Variants in RSPO2 observed in about 807,000 individuals in gnomAD.
The protein encoded by RSPO2 is R-spondin 2.
A neutral mutation model predicts 30.9 loss-of-function variants in RSPO2; 14 were observed. That is an observed-to-expected ratio of 0.45 (90% CI 0.30 to 0.71). RSPO2 has a LOEUF of 0.71. Ranked by LOEUF, RSPO2 falls within the 30% of genes least tolerant of loss-of-function variation. The probability of loss-of-function intolerance (pLI) is 0.08; values close to 1 mark genes in which losing one functional copy is unlikely to be tolerated. For synonymous variants in RSPO2, 107 were observed against 96.4 expected (o/e 1.11, Z -0.64); for missense variants, 264 against 301.9 (o/e 0.87, Z 0.93).
chr8:107,976,418 G>A (rs1230387666), intron 3 of RSPO2, among the ~76,000 whole-genome samples: 1 of 152,186 alleles, frequency 6.6e-6, no homozygotes, highest in Non-Finnish European at 1.5e-5. Context: ...GAGTGCAAAT[G>A]TGCAATGTAA....
At chr8:108,040,279 C>T (rs1477390650) in intron 2 of RSPO2, among the ~76,000 whole-genome samples, 1 of 152,110 alleles carries the variant, frequency 6.6e-6, no homozygotes, top group Non-Finnish European at 1.5e-5. Flanking sequence ...CATTAACAGA[C>T]AGTGTGTTAT....
intron 5 of RSPO2, among the ~76,000 whole-genome samples, chr8:107,935,839 T>C (rs594725): frequency 0.54 from 82,309 of 151,924 alleles, 24,144 homozygotes; most frequent in East Asian, 0.7. Context: ...TAACAAAATA[T>C]TTTACCTATC....
intron 2 of RSPO2, among the ~76,000 whole-genome samples, chr8:108,004,999 A>C (rs1457765772): frequency 6.6e-6 from 1 of 152,168 alleles, no homozygotes; most frequent in Non-Finnish European, 1.5e-5. Context: ...AATCTAACCC[A>C]ATATGATGGG....
intron 2 of RSPO2, among the ~76,000 whole-genome samples, chr8:108,020,382 T>A (rs1452792385): frequency 6.6e-6 from 1 of 152,172 alleles, no homozygotes. Flanking sequence ...ATCACCAGGA[T>A]TTCTTTAAAA....
chr8:108,067,259 G>A (rs1812700819), intron 2 of RSPO2, among the ~76,000 whole-genome samples: 1 of 152,154 alleles, frequency 6.6e-6, no homozygotes, highest in South Asian at 2.1e-4. Flanking sequence ...ACATTTTTGA[G>A]GCAATTGGGG....
intron 5 of RSPO2, among the ~76,000 whole-genome samples, chr8:107,943,241 A>G (rs1812956248): frequency 6.6e-6 from 1 of 152,164 alleles, no homozygotes; most frequent in Non-Finnish European, 1.5e-5. Context: ...AGACACACAC[A>G]CAATAAGTGA....
chr8:107,997,307 G>C (rs1815063111), intron 2 of RSPO2: 2 of 155,634 alleles, frequency 1.3e-5, no homozygotes, highest in South Asian at 3.9e-4. Flanking sequence ...TTCATAAGTT[G>C]AATGGCTCTG....
At chr8:107,985,428 T>A (rs1481328831) in intron 3 of RSPO2, among the ~76,000 whole-genome samples, 2 of 151,590 alleles carry the variant, frequency 1.3e-5, no homozygotes, top group Non-Finnish European at 2.9e-5. Flanking sequence ...TTAACTATAG[T>A]ATAACCATTC....
At chr8:108,050,881 T>C (rs983655556) in intron 2 of RSPO2, among the ~76,000 whole-genome samples, 3 of 152,194 alleles carry the variant, frequency 2.0e-5, no homozygotes, top group Admixed American at 6.5e-5. Flanking sequence ...GGGGGAAATG[T>C]TGCTAAGCTA....
At chr8:108,017,237 T>C (rs544466908) in intron 2 of RSPO2, among the ~76,000 whole-genome samples, 1 of 152,262 alleles carries the variant, frequency 6.6e-6, no homozygotes, top group South Asian at 2.1e-4. Flanking sequence ...CAAGATGGTC[T>C]CGATCTCATG....
chr8:107,982,761 G>A (rs909425438), intron 3 of RSPO2, among the ~76,000 whole-genome samples: 3 of 152,074 alleles, frequency 2.0e-5, no homozygotes, highest in Non-Finnish European at 2.9e-5. Context: ...ACAGTGCAAC[G>A]CTGACATTGA....
chr8:107,946,374 T>C (rs913466576), intron 5 of RSPO2, among the ~76,000 whole-genome samples: 11 of 152,178 alleles, frequency 7.2e-5, no homozygotes, highest in African/African-American at 2.7e-4. Context: ...ACTAGAAGAC[T>C]AGTGATGCCT....
intron 2 of RSPO2, among the ~76,000 whole-genome samples, chr8:108,081,702 C>T (rs1813203359): frequency 6.6e-6 from 1 of 152,078 alleles, no homozygotes; most frequent in Admixed American, 6.5e-5. Flanking sequence ...CGAAACCTTT[C>T]TGGAGGCTTC....
At position 107,901,178 on chromosome 8, in the gene RSPO2, G is replaced by A; in HGVS notation, c.629C>T (p.Pro210Leu). 6.2e-7 allele frequency: 1 copy of A among 1,613,160 alleles called. No individual in the cohort carries two copies. Among genetic ancestry groups the A allele is most frequent in the Non-Finnish European group, 8.5e-7 (1 of 1,179,672 alleles). ...CTTGTTCCTCTTCTCCTTCGCCTTT[G>A]GTGTTCTCTTCCCTGCAATGAAGGA... ...MRHCPGGKRT[P>L]KAKEKRNKKK... is the part of the protein sequence containing the mutation. Residue 210 changes from proline to leucine, a missense_variant, in exon 6 of 6, where the codon CCA becomes CTA. Physicochemically the swap from Pro to Leu is moderately conservative, Grantham distance 98 (BLOSUM62 -3). Coordinates refer to ENST00000276659, the MANE Select transcript of RSPO2 (RefSeq NM_178565.5).
intron 3 of RSPO2, among the ~76,000 whole-genome samples, chr8:107,981,876 T>G (rs1029710445): frequency 6.6e-6 from 1 of 151,560 alleles, no homozygotes; most frequent in African/African-American, 2.4e-5. Flanking sequence ...TAATACATTT[T>G]TTAAAAAATT....
At chr8:108,010,636 A>T (rs2130584173) in intron 2 of RSPO2, among the ~76,000 whole-genome samples, 1 of 152,274 alleles carries the variant, frequency 6.6e-6, no homozygotes, top group South Asian at 2.1e-4. Context: ...TGAATGTGTG[A>T]TATGCAGGGG....
intron 2 of RSPO2, among the ~76,000 whole-genome samples, chr8:107,997,441 G>A (rs991505771): frequency 6.6e-6 from 1 of 152,132 alleles, no homozygotes; most frequent in Admixed American, 6.5e-5. Context: ...AGCCCGCTGA[G>A]ATCCAGAGCC....
intron 3 of RSPO2, among the ~76,000 whole-genome samples, chr8:107,964,179 CA>C (rs1445203584): frequency 6.6e-6 from 1 of 152,204 alleles, no homozygotes; most frequent in African/African-American, 2.4e-5. Flanking sequence ...CCTGCACTGA[CA>C]GAGCTCATCT....
chr8:107,979,879 C>T (rs572683045), intron 3 of RSPO2, among the ~76,000 whole-genome samples: 39 of 152,238 alleles, frequency 2.6e-4, no homozygotes, highest in African/African-American at 9.1e-4. Context: ...GGTCTCTGTG[C>T]CTCCTCTCTG....
Sources: allele counts gnomAD v4.1 joint callset (sites outside exome capture counted in the v4.1 genomes callset), GRCh38; gene constraint gnomAD v4.1.1; transcripts MANE v1.5; gene names NCBI Gene and HGNC (gene_info 2026-07-23, HGNC 2026-07-21).